The following TMEM196 variants were observed in gnomAD, a reference collection of about 807,000 sequenced individuals.
The protein encoded by TMEM196 is transmembrane protein 196.
In TMEM196, 17 loss-of-function variants were observed where a neutral mutation model predicts 20.0. The observed-to-expected ratio is 0.85, with a 90% CI of 0.58 to 1.27. The LOEUF (loss-of-function observed/expected upper bound fraction) is 1.27, where lower values mean the gene tolerates loss of function less well. Ranked by LOEUF, TMEM196 falls within the 50% of genes most tolerant of loss-of-function variation. The pLI, the probability that TMEM196 is intolerant of heterozygous loss-of-function variation, is 0.00. For synonymous variants in TMEM196, 113 were observed against 88.9 expected (o/e 1.27, Z -1.52); for missense variants, 267 against 223.0 (o/e 1.20, Z -1.26).
At position 19,725,688 on chromosome 7, in the gene TMEM196, C is replaced by A; in HGVS notation, c.285G>T (p.Lys95Asn). Residue 95 changes from lysine (K) to asparagine (N), a missense_variant, in exon 3 of 5, where the codon AAG becomes AAT. By Grantham distance (94) the Lys-to-Asn change is moderately conservative. Coordinates refer to ENST00000405844, the MANE Select transcript of TMEM196 (RefSeq NM_001363562.2). ...LNFQFLRAVTKKTSSLYPLHL... is the reference protein window; with the variant it reads ...LNFQFLRAVTNKTSSLYPLHL... ...GCAGTGGGTATAGGGAGGAAGTTTT[C>A]TTTGTGACTGCCCGGAGGAACTGAA... 2 of 1,613,856 alleles carry A rather than the reference C, an allele frequency of 1.2e-6. No individual in the cohort carries two copies. Among genetic ancestry groups the A allele is most frequent in the Non-Finnish European group, 1.7e-6 (2 of 1,179,780 alleles).
At chr7:19,724,212 C>T in intron 4 of TMEM196, 68 bp downstream of exon 4, 1 of 1,378,542 alleles carries the variant, frequency 7.3e-7, no homozygotes, top group South Asian at 1.2e-5. Context: ...GACATCATGG[C>T]TTTCTGGAAG....
chr7:19,745,414 A>G (rs376050190), intron 1 of TMEM196, among the ~76,000 whole-genome samples: 1 of 151,914 alleles, frequency 6.6e-6, no homozygotes, highest in Non-Finnish European at 1.5e-5. Context: ...CAGTAAAAAG[A>G]TTTTTACTGG....
At chr7:19,754,711 G>C (rs1286701310) in intron 1 of TMEM196, among the ~76,000 whole-genome samples, 1 of 152,090 alleles carries the variant, frequency 6.6e-6, no homozygotes, top group Non-Finnish European at 1.5e-5. Context: ...GAACCTCTAG[G>C]TGGCGACTCT....
chr7:19,732,729 T>A (rs1784258265), intron 1 of TMEM196, among the ~76,000 whole-genome samples: 1 of 152,076 alleles, frequency 6.6e-6, no homozygotes, highest in Non-Finnish European at 1.5e-5. Flanking sequence ...CATTGTTAAT[T>A]TATGATATAA....
chr7:19,742,776 A>G (rs1784622495), intron 1 of TMEM196, among the ~76,000 whole-genome samples: 1 of 152,158 alleles, frequency 6.6e-6, no homozygotes, highest in Non-Finnish European at 1.5e-5. Context: ...TTATATTGGA[A>G]TGACATGGGG....
intron 1 of TMEM196, among the ~76,000 whole-genome samples, chr7:19,753,981 G>A (rs957227200): frequency 1.3e-5 from 2 of 152,118 alleles, no homozygotes; most frequent in African/African-American, 2.4e-5. Context: ...CACCTTCCTT[G>A]TGCATCCACA....
intron 1 of TMEM196, among the ~76,000 whole-genome samples, chr7:19,754,191 G>A (rs1265706510): frequency 6.6e-6 from 1 of 152,148 alleles, no homozygotes; most frequent in Admixed American, 6.5e-5. Context: ...ATGCATAACA[G>A]TGTACACTTC....
chr7:19,738,610 T>C (rs1784485412), intron 1 of TMEM196, among the ~76,000 whole-genome samples: 1 of 151,926 alleles, frequency 6.6e-6, no homozygotes, highest in Non-Finnish European at 1.5e-5. Context: ...ACATGGAGCA[T>C]ACAAACAAAC....
chr7:19,756,416 T>C (rs539773045), intron 1 of TMEM196, among the ~76,000 whole-genome samples: 43 of 152,170 alleles, frequency 2.8e-4, no homozygotes, highest in Non-Finnish European at 5.6e-4. Flanking sequence ...AGGTTTGTTA[T>C]ATGGGTAAAC....
In TMEM196 at chr7:19,730,787, A is replaced by G. The variant is rs189809756; in HGVS notation, c.148-1349T>C. On this transcript the variant is annotated intron_variant, in intron 1 of 4. Coordinates refer to ENST00000405844, the MANE Select transcript of TMEM196 (RefSeq NM_001363562.2). ...GTTGTTGCAAAGAAACTTTTCCTAT[A>G]AGGGAGCAGAATGATTATTATGCAG... 2.6e-5 allele frequency among the ~76,000 whole-genome samples: 4 copies of G among 152,306 alleles called. No individual in the cohort carries two copies. In the East Asian group the frequency reaches 7.7e-4, roughly 29 times the overall value.
chr7:19,753,705 C>T (rs1785082283), intron 1 of TMEM196, among the ~76,000 whole-genome samples: 1 of 152,098 alleles, frequency 6.6e-6, no homozygotes, highest in Non-Finnish European at 1.5e-5. Context: ...TGTACCTGTT[C>T]ATTTCTAAAG....
chr7:19,742,176 C>T (rs1406893504), intron 1 of TMEM196, among the ~76,000 whole-genome samples: 2 of 152,114 alleles, frequency 1.3e-5, no homozygotes, highest in South Asian at 2.1e-4. Flanking sequence ...TATCAGAATA[C>T]ATTTTTAAAT....
chr7:19,761,002 A>G (rs1390421222), intron 1 of TMEM196, among the ~76,000 whole-genome samples: 4 of 152,160 alleles, frequency 2.6e-5, no homozygotes, highest in Admixed American at 6.5e-5. Flanking sequence ...TACAGAGTTA[A>G]GGCCCATCAA....
At chr7:19,746,639 A>G (rs1784761276) in intron 1 of TMEM196, among the ~76,000 whole-genome samples, 1 of 152,252 alleles carries the variant, frequency 6.6e-6, no homozygotes. Context: ...ACAGCTTTCT[A>G]TAACCAAAGA....
At chr7:19,724,939 T>A (rs1427155664) in intron 3 of TMEM196, among the ~76,000 whole-genome samples, 1 of 152,222 alleles carries the variant, frequency 6.6e-6, no homozygotes, top group East Asian at 1.9e-4. Context: ...ATGGGTTTCA[T>A]GAAACAATTA....
At chr7:19,755,438 T>C (rs975916021) in intron 1 of TMEM196, among the ~76,000 whole-genome samples, 1 of 152,194 alleles carries the variant, frequency 6.6e-6, no homozygotes, top group Non-Finnish European at 1.5e-5. Context: ...TGGGAAATAG[T>C]CTTCCCTTGC....
chr7:19,763,466 T>C (rs999111549), intron 1 of TMEM196, among the ~76,000 whole-genome samples: 7 of 152,166 alleles, frequency 4.6e-5, no homozygotes, highest in Admixed American at 2.0e-4. Flanking sequence ...ACAAAAATTA[T>C]ACCTTGGTAT....
At chr7:19,729,256 G>GTTTTTTT in intron 2 of TMEM196, 126 bp downstream of exon 2, 1 of 434,470 alleles carries the variant, frequency 2.3e-6, no homozygotes, top group Non-Finnish European at 3.6e-6. Flanking sequence ...TTATTTGTCA[G>GTTTTTTT]TTTTTTTTTT....
At chr7:19,722,823 T>C (rs1374675798) in intron 4 of TMEM196, among the ~76,000 whole-genome samples, 2 of 152,172 alleles carry the variant, frequency 1.3e-5, no homozygotes, top group Non-Finnish European at 2.9e-5. Flanking sequence ...ATGAAATACA[T>C]TATGAAAAAT....
Sources: gnomAD v4.1 joint callset for allele counts (sites outside exome capture counted in the v4.1 genomes callset) on GRCh38, gnomAD v4.1.1 for gene constraint, MANE v1.5 for transcripts, NCBI Gene and HGNC (gene_info 2026-07-23, HGNC 2026-07-21) for gene names.